The following GALNT17 variants were observed in gnomAD, a reference collection of about 807,000 sequenced individuals.
The protein encoded by GALNT17 is UDP-GalNAc:polypeptide N-acetylgalactosaminyltransferase-like 3.
A neutral mutation model predicts 63.7 loss-of-function variants in GALNT17; 29 were observed. The ratio of observed to expected loss-of-function variants is 0.46; its 90% CI spans 0.34 to 0.62. GALNT17 has a LOEUF of 0.62. GALNT17 is among the 20% of genes least tolerant of loss of function. The pLI is 0.01. For synonymous variants in GALNT17, 305 were observed against 318.3 expected (o/e 0.96, Z 0.45); for missense variants, 603 against 799.6 (o/e 0.75, Z 2.97).
chr7:71,640,921 G>A (rs1344897283), intron 6 of GALNT17, among the ~76,000 whole-genome samples: 1 of 152,038 alleles, frequency 6.6e-6, no homozygotes, highest in African/African-American at 2.4e-5. Flanking sequence ...AAAAGTGTCT[G>A]CAGCACAGAG....
At chr7:71,677,124 G>T in intron 8 of GALNT17, 87 bp from the exon 9 acceptor site, 2 of 1,388,212 alleles carry the variant, frequency 1.4e-6, no homozygotes, top group Non-Finnish European at 2.0e-6. Flanking sequence ...TCATGAAGTT[G>T]GAACCAAGCC....
At chr7:71,495,772 A>G (rs1264257970) in intron 5 of GALNT17, among the ~76,000 whole-genome samples, 1 of 152,150 alleles carries the variant, frequency 6.6e-6, no homozygotes, top group African/African-American at 2.4e-5. Context: ...CCTACATATC[A>G]TGGCCACTTT....
At chr7:71,551,123 C>G (rs1485168867) in intron 5 of GALNT17, among the ~76,000 whole-genome samples, 1 of 152,046 alleles carries the variant, frequency 6.6e-6, no homozygotes, top group African/African-American at 2.4e-5. Context: ...TTTATGTTGC[C>G]TACCCTCTTT....
intron 6 of GALNT17, among the ~76,000 whole-genome samples, chr7:71,574,631 A>G (rs1398169168): frequency 2.0e-5 from 3 of 152,180 alleles, no homozygotes; most frequent in Non-Finnish European, 2.9e-5. Flanking sequence ...GAGTCTACAC[A>G]GAATTCTCTG....
chr7:71,162,148 C>CCTTT (rs1554334508), intron 1 of GALNT17, among the ~76,000 whole-genome samples: 3 of 126,214 alleles, frequency 2.4e-5, no homozygotes, highest in Non-Finnish European at 4.8e-5. Context: ...TTCCTTCCTT[C>CCTTT]CTTCCTTCCT....
intron 6 of GALNT17, among the ~76,000 whole-genome samples, chr7:71,652,115 T>C (rs1174003169): frequency 6.6e-6 from 1 of 152,120 alleles, no homozygotes; most frequent in African/African-American, 2.4e-5. Flanking sequence ...ACTTCTGGGC[T>C]CTATAGATCA....
At chr7:71,710,369 G>C (rs1030887595) in intron 9 of GALNT17, among the ~76,000 whole-genome samples, 1 of 152,166 alleles carries the variant, frequency 6.6e-6, no homozygotes, top group Non-Finnish European at 1.5e-5. Flanking sequence ...TTAGCCGTGT[G>C]TGGTGGTGCG....
At chr7:71,184,901 G>A (rs1346948578) in intron 1 of GALNT17, among the ~76,000 whole-genome samples, 1 of 150,782 alleles carries the variant, frequency 6.6e-6, no homozygotes, top group Non-Finnish European at 1.5e-5. Flanking sequence ...TGTGAGCTGG[G>A]GGCATTCTCT....
At chr7:71,240,727 C>T (rs993238818) in intron 1 of GALNT17, among the ~76,000 whole-genome samples, 4 of 149,564 alleles carry the variant, frequency 2.7e-5, no homozygotes, top group African/African-American at 7.5e-5. Context: ...TGCAGTGGTG[C>T]GATCTCGGCT....
intron 1 of GALNT17, among the ~76,000 whole-genome samples, chr7:71,136,517 C>G (rs940855379): frequency 1.3e-5 from 2 of 151,942 alleles, no homozygotes. Context: ...GATGGAGTCT[C>G]GCTGTGTCGC....
chr7:71,347,719 C>A lies in GALNT17; in HGVS notation c.422+11986C>A, dbSNP rs894734261. 8.6e-5 allele frequency among the ~76,000 whole-genome samples: 13 copies of A among 151,994 alleles called. 2 individuals are homozygous for A. The highest frequency in any genetic ancestry group is 8.5e-4 in the Admixed American group (13 of 15,264). On this transcript the variant is annotated intron_variant, in intron 2 of 10. Coordinates refer to ENST00000333538, the MANE Select transcript of GALNT17 (RefSeq NM_022479.3). ...GGAGGGTATTTTCCTTCATAAGGTT[C>A]TTCCCAGGCCTGGATCAGAGGGGGC...
intron 2 of GALNT17, among the ~76,000 whole-genome samples, chr7:71,387,884 A>G (rs1488309186): frequency 6.6e-6 from 1 of 152,116 alleles, no homozygotes; most frequent in Non-Finnish European, 1.5e-5. Context: ...CTTGCACTCA[A>G]ACCTTTGTTT....
intron 5 of GALNT17, among the ~76,000 whole-genome samples, chr7:71,517,891 G>C (rs1456831286): frequency 6.6e-6 from 1 of 152,224 alleles, no homozygotes; most frequent in Admixed American, 6.5e-5. Context: ...GGTGTCATAA[G>C]TGTGACACAT....
chr7:71,467,896 C>T (rs897728587), intron 5 of GALNT17, among the ~76,000 whole-genome samples: 1 of 152,176 alleles, frequency 6.6e-6, no homozygotes, highest in African/African-American at 2.4e-5. Flanking sequence ...TGGCTAGTGT[C>T]TCCATAGACT....
At chr7:71,345,939 T>TTTC (rs965334930) in intron 2 of GALNT17, among the ~76,000 whole-genome samples, 1 of 151,516 alleles carries the variant, frequency 6.6e-6, no homozygotes, top group African/African-American at 2.4e-5. Context: ...TCCCAACACT[T>TTTC]TGAGAGGCTG....
chr7:71,436,767 C>T (rs1786973084), intron 5 of GALNT17, among the ~76,000 whole-genome samples: 1 of 151,906 alleles, frequency 6.6e-6, no homozygotes, highest in Non-Finnish European at 1.5e-5. Flanking sequence ...CATGTTTCCA[C>T]ACTTTCGAGA....
rs1465082684 is a variant in GALNT17 at position 71,377,098 on chromosome 7, A to AC, written c.423-11137_423-11136insC. ...GATATTCCATCTCAAAAAAAAAAAA[A>AC]AATAAAAATAAAAAAAATATATATA... On this transcript the variant is annotated intron_variant, in intron 2 of 10. Coordinates refer to ENST00000333538, the MANE Select transcript of GALNT17 (RefSeq NM_022479.3). Among the ~76,000 whole-genome samples the AC allele has an allele frequency of 1.8e-4, 11 of 60,662 alleles. 1 individual carries two copies. The highest frequency in any genetic ancestry group is 2.9e-4 in the Non-Finnish European group (10 of 34,106). The allele number at this position is 60,662 out of a possible 152,430, so 39.8% of individuals were successfully genotyped here. A position where few individuals can be genotyped will look rare whatever the true frequency, so the allele number is the denominator to read the frequency against.
At chr7:71,270,901 T>A (rs1193370005) in intron 1 of GALNT17, among the ~76,000 whole-genome samples, 1 of 150,650 alleles carries the variant, frequency 6.6e-6, no homozygotes, top group Non-Finnish European at 1.5e-5. Flanking sequence ...CCTGCTGACT[T>A]AGTTTTGTCC....
chr7:71,522,824 G>C (rs1313576595), intron 5 of GALNT17, among the ~76,000 whole-genome samples: 1 of 152,188 alleles, frequency 6.6e-6, no homozygotes, highest in Non-Finnish European at 1.5e-5. Context: ...AGGATGTTCG[G>C]ATCAGTAGGA....
Sources: allele counts gnomAD v4.1 joint callset (sites outside exome capture counted in the v4.1 genomes callset), GRCh38; gene constraint gnomAD v4.1.1; transcripts MANE v1.5; gene names NCBI Gene and HGNC (gene_info 2026-07-23, HGNC 2026-07-21).